Variants in MTMR3 observed in about 807,000 individuals in gnomAD.
MTMR3 encodes myotubularin related protein 3, also known as phosphatidylinositol-3,5-bisphosphate 3-phosphatase MTMR3.
Under a neutral mutation model 132.4 loss-of-function variants are expected in MTMR3, and 32 were observed. The observed-to-expected ratio is 0.24, with a 90% CI of 0.18 to 0.32. The LOEUF is 0.32. Among genes scored for constraint, MTMR3 ranks in the 10% least tolerant of loss-of-function variants. The pLI is 1.00. For missense variants in MTMR3, 1,216 were observed against 1,489.6 expected (o/e 0.82, Z 3.02); for synonymous variants, 556 against 550.3 (o/e 1.01, Z -0.14).
At chr22:30,010,841 G>C (rs2067401076) in intron 12 of MTMR3, 1 of 152,112 alleles carries the variant, frequency 6.6e-6, no homozygotes, top group Non-Finnish European at 1.5e-5. Flanking sequence ...ATGTTTCTCA[G>C]GTACCTGCTA....
At chr22:30,013,737 A>C in intron 14 of MTMR3, 196 bp downstream of exon 14, 3 of 516,032 alleles carry the variant, frequency 5.8e-6, no homozygotes, top group Non-Finnish European at 1.0e-5. Flanking sequence ...CCAGGTTTGC[A>C]TGAAGTCCTT....
chr22:29,991,344 A>C (rs1878621391), intron 6 of MTMR3, 160 bp from the exon 7 acceptor site: 5 of 578,328 alleles, frequency 8.6e-6, no homozygotes, highest in Middle Eastern at 9.4e-4. Flanking sequence ...TGTTTTTCTT[A>C]TAAGTGATAA....
At chr22:29,935,265 T>G (rs2065726261) in intron 1 of MTMR3, among the ~76,000 whole-genome samples, 1 of 152,242 alleles carries the variant, frequency 6.6e-6, no homozygotes, top group African/African-American at 2.4e-5. Context: ...CAGTTCGAAG[T>G]GTTCCTGTTT....
At chr22:29,992,100 G>A (rs2066973293) in intron 7 of MTMR3, 1 of 153,830 alleles carries the variant, frequency 6.5e-6, no homozygotes, top group African/African-American at 2.4e-5. Flanking sequence ...TTTTTTTTGA[G>A]ACGGAGTTTC....
chr22:29,950,577 C>G (rs768222644), intron 1 of MTMR3, among the ~76,000 whole-genome samples: 2 of 151,812 alleles, frequency 1.3e-5, no homozygotes, highest in Non-Finnish European at 2.9e-5. Context: ...TTAGTCAGGC[C>G]GGTCTCAAAC....
In MTMR3 at chr22:30,020,600, T is replaced by A. The variant is rs1289452764; in HGVS notation, c.2941T>A (p.Ser981Thr). 2 of 1,614,206 alleles carry A rather than the reference T, an allele frequency of 1.2e-6. No individual in the cohort carries two copies. Among genetic ancestry groups the A allele is most frequent in the East Asian group, 2.2e-5 (1 of 44,880 alleles). Residue 981 changes from serine (S) to threonine (T), a missense_variant, in exon 17 of 20, where the codon TCT (serine) becomes ACT (threonine). Physicochemically the swap from Ser to Thr is moderately conservative, Grantham distance 58 (BLOSUM62 1). Transcript: ENST00000401950. ...SRQLSAMSCS[S>T]AHLHSRNLHH... is the part of the protein sequence containing the mutation. ...TCAGCTGTCTGCTATGAGCTGCAGC[T>A]CTGCCCACTTACACTCAAGGAACTT...
chr22:30,021,017 A>G, intron 17 of MTMR3, 133 bp downstream of exon 17: 1 of 920,820 alleles, frequency 1.1e-6, no homozygotes, highest in East Asian at 2.7e-5. Context: ...TAGCCCTGTT[A>G]AGAGAGGCTG....
chr22:29,908,023 A>G (rs1376820483), intron 1 of MTMR3, among the ~76,000 whole-genome samples: 4 of 152,314 alleles, frequency 2.6e-5, no homozygotes, highest in African/African-American at 7.2e-5. Flanking sequence ...CAGCCAAGAA[A>G]TCTAGATGAG....
intron 1 of MTMR3, among the ~76,000 whole-genome samples, chr22:29,934,026 A>G (rs903589311): frequency 6.6e-6 from 1 of 152,274 alleles, no homozygotes; most frequent in Non-Finnish European, 1.5e-5. Flanking sequence ...TATATTATGT[A>G]TAATATCTAT....
At chr22:29,921,775 A>G (rs1427119056) in intron 1 of MTMR3, among the ~76,000 whole-genome samples, 2 of 151,914 alleles carry the variant, frequency 1.3e-5, no homozygotes, top group African/African-American at 2.4e-5. Context: ...GTGAAATAAT[A>G]TAATATTTGA....
chr22:29,965,487 C>A (rs2066396167), intron 2 of MTMR3, among the ~76,000 whole-genome samples: 1 of 152,112 alleles, frequency 6.6e-6, no homozygotes, highest in Admixed American at 6.6e-5. Context: ...AAATTTGAGA[C>A]CAGCCTGATC....
chr22:29,975,941 T>A (rs974042213), intron 3 of MTMR3, among the ~76,000 whole-genome samples: 8 of 152,186 alleles, frequency 5.3e-5, no homozygotes, highest in Non-Finnish European at 8.8e-5. Flanking sequence ...CAGTGTAGAA[T>A]CTGAAACCAT....
chr22:30,019,976 A>G lies in MTMR3; in HGVS notation c.2317A>G (p.Ser773Gly). ...CATTTCTGAACAGCAGAGTGGGCTC[A>G]GTGTTCTCCTCAGTTCTCTCCAGGT... ...QGISEQQSGL[S>G]VLLSSLQVPP... The change falls in exon 17 of 20, where the codon AGT becomes GGT. Residue 773 changes from serine to glycine, a missense_variant. By Grantham distance (56) the Ser-to-Gly change is moderately conservative (BLOSUM62 0). This residue lies in a region of MTMR3 where 852 missense variants were observed against 852.0 expected (regional missense o/e 1.00). Transcript: ENST00000401950. The G allele has an allele frequency of 6.2e-7, 1 of 1,614,170 alleles. No homozygotes were observed. The highest frequency in any genetic ancestry group is 1.3e-5 in the African/African-American group (1 of 75,044).
intron 1 of MTMR3, among the ~76,000 whole-genome samples, chr22:29,893,084 A>G (rs1418959721): frequency 4.6e-5 from 7 of 152,238 alleles, no homozygotes; most frequent in Non-Finnish European, 8.8e-5. Context: ...ATTGCCTGGT[A>G]CAGAGTAAGC....
intron 1 of MTMR3, among the ~76,000 whole-genome samples, chr22:29,901,291 G>A (rs1455141902): frequency 6.6e-6 from 1 of 151,438 alleles, no homozygotes; most frequent in East Asian, 1.9e-4. Flanking sequence ...AAAGGATTTT[G>A]TGACTAATTT....
intron 2 of MTMR3, among the ~76,000 whole-genome samples, chr22:29,965,736 G>A (rs1000461608): frequency 6.6e-6 from 1 of 151,876 alleles, no homozygotes; most frequent in Non-Finnish European, 1.5e-5. Flanking sequence ...GATAGCTTAT[G>A]TATATATATA....
intron 1 of MTMR3, among the ~76,000 whole-genome samples, chr22:29,945,906 A>G (rs931855473): frequency 6.6e-6 from 1 of 152,096 alleles, no homozygotes; most frequent in African/African-American, 2.4e-5. Context: ...TATTTTTTGG[A>G]GAGAAATTTT....
chr22:29,887,503 A>G (rs2064702815), intron 1 of MTMR3, among the ~76,000 whole-genome samples: 2 of 152,212 alleles, frequency 1.3e-5, no homozygotes, highest in Non-Finnish European at 1.5e-5. Flanking sequence ...GAATTTACCA[A>G]TATCACTGAT....
intron 1 of MTMR3, among the ~76,000 whole-genome samples, chr22:29,919,475 T>G (rs142449627): frequency 1.2e-3 from 189 of 152,330 alleles, no homozygotes; most frequent in African/African-American, 4.4e-3. Flanking sequence ...AGATAAGATA[T>G]GTGATCCTTG....
Sources: gnomAD v4.1 joint callset for allele counts (sites outside exome capture counted in the v4.1 genomes callset) on GRCh38, gnomAD v4.1.1 for gene constraint, gnomAD v4.1.1 regional missense constraint, MANE v1.5 for transcripts, NCBI Gene and HGNC (gene_info 2026-07-23, HGNC 2026-07-21) for gene names.